HIVEP1: variants seen among roughly 807,000 people sequenced by gnomAD.
HIVEP1 encodes the protein zinc finger protein 40.
Under a neutral mutation model 180.0 loss-of-function variants are expected in HIVEP1, and 36 were observed. The observed-to-expected ratio is 0.20, with a 90% CI of 0.15 to 0.26. HIVEP1 has a LOEUF of 0.26. Ranked by LOEUF, HIVEP1 falls within the 10% of genes least tolerant of loss-of-function variation. The pLI is 1.00. For synonymous variants in HIVEP1, 1,239 were observed against 1,239.0 expected (o/e 1.00, Z 0.00); for missense variants, 3,143 against 3,268.7 (o/e 0.96, Z 0.94).
rs866385328 is a variant in HIVEP1, at chr6:12,163,769, C to T, written c.7465C>T (p.Pro2489Ser). The change falls in exon 9 of 9, where the codon CCC becomes TCC. Residue 2489 changes from proline (P) to serine (S), a missense_variant. Pro to Ser is a moderately conservative substitution (Grantham distance 74). Coordinates refer to ENST00000379388, the MANE Select transcript of HIVEP1 (RefSeq NM_002114.4). ...NLSTPGLQSL[P>S]SLSMETVNIV... ...AAGTACCCCAGGCTTGCAGTCACTC[C>T]CCTCGTTAAGCATGGAAACCGTCAA... The T allele has an allele frequency of 6.2e-7, 1 of 1,614,142 alleles. No individual in the cohort carries two copies. The highest frequency in any genetic ancestry group is 8.5e-7 in the Non-Finnish European group (1 of 1,180,044).
At chr6:12,174,807 T>C in the HIVEP1 span, among the ~76,000 whole-genome samples, 1 of 152,206 alleles carries the variant, frequency 6.6e-6, no homozygotes, top group Admixed American at 6.5e-5. Flanking sequence ...TTGTTGTTGT[T>C]GTCCTTGTTG....
chr6:12,040,665 C>T (rs1393659477), intron 2 of HIVEP1, among the ~76,000 whole-genome samples: 1 of 152,160 alleles, frequency 6.6e-6, no homozygotes, highest in Non-Finnish European at 1.5e-5. Flanking sequence ...TCATGTTGGT[C>T]AGTGTATTAG....
chr6:12,078,099 G>T (rs534808154), intron 2 of HIVEP1, among the ~76,000 whole-genome samples: 1 of 152,314 alleles, frequency 6.6e-6, no homozygotes, highest in South Asian at 2.1e-4. Flanking sequence ...TGGGACAGTT[G>T]TGAATAGTGA....
At chr6:12,184,122 GTCAAA>G in the HIVEP1 span, among the ~76,000 whole-genome samples, 1 of 152,076 alleles carries the variant, frequency 6.6e-6, no homozygotes, top group Admixed American at 6.6e-5. Flanking sequence ...TTTGAATTCT[GTCAAA>G]TCATTTTACC....
chr6:12,060,132 A>G (rs1241686980), intron 2 of HIVEP1, among the ~76,000 whole-genome samples: 1 of 152,216 alleles, frequency 6.6e-6, no homozygotes, highest in East Asian at 1.9e-4. Flanking sequence ...TTATTAGACC[A>G]TCACATGTTT....
At chr6:12,043,527 C>T (rs1769917279) in intron 2 of HIVEP1, among the ~76,000 whole-genome samples, 1 of 151,862 alleles carries the variant, frequency 6.6e-6, no homozygotes, top group African/African-American at 2.4e-5. Flanking sequence ...CCACCACAGC[C>T]AGCTAATTTT....
Position 12,063,023 on chromosome 6 carries a change from C to T in HIVEP1, c.41-26161C>T, listed in dbSNP as rs1274284524. Among the ~76,000 whole-genome samples the T allele has an allele frequency of 6.6e-6, 1 of 151,982 alleles. No homozygotes were observed. Among genetic ancestry groups the T allele is most frequent in the Non-Finnish European group, 1.5e-5 (1 of 67,996 alleles). ...ATTCTTGTGCTAAATGTGAAGACTC[C>T]CCTGTTAGTAGTAGTTATTGCTAAC... On this transcript the variant is annotated intron_variant, in intron 2 of 8. Coordinates refer to ENST00000379388, the MANE Select transcript of HIVEP1 (RefSeq NM_002114.4). The surrounding 1 kb of genome is among the most constrained non-coding windows in gnomAD (Gnocchi z 4.2).
Position 12,129,989 on chromosome 6 carries a change from T to A in HIVEP1, c.6209+97T>A. The A allele has an allele frequency of 3.9e-6, 3 of 777,414 alleles. No individual in the cohort carries two copies. In the South Asian group the frequency reaches 5.2e-5, roughly 14 times the overall value. The allele number at this position is 777,414 out of a possible 1,614,324, so 48.2% of individuals were successfully genotyped here. A position where few individuals can be genotyped will look rare whatever the true frequency, so the allele number is the denominator to read the frequency against. On this transcript the variant is annotated intron_variant, in intron 5 of 8. Coordinates refer to ENST00000379388, the MANE Select transcript of HIVEP1 (RefSeq NM_002114.4). ...ATGAAGACTTAGTGCCAATTTAGTA[T>A]CGATGTTGCAAGGTTTCTCAGCATA...
chr6:12,195,365 A>C, the HIVEP1 span, among the ~76,000 whole-genome samples: 1 of 152,260 alleles, frequency 6.6e-6, no homozygotes, highest in Admixed American at 6.5e-5. Context: ...GCCAGATTAA[A>C]ACAGGGAAAT....
downstream of HIVEP1, among the ~76,000 whole-genome samples, chr6:12,167,556 A>ACATGCATGTTATATATACATGT (rs1562023350): frequency 2.3e-5 from 2 of 87,126 alleles, no homozygotes; most frequent in African/African-American, 9.6e-5. Flanking sequence ...TAATATATGT[A>ACATGCATGTTATATATACATGT]TATATTACAT....
the HIVEP1 span, among the ~76,000 whole-genome samples, chr6:12,174,959 C>T: frequency 1.3e-5 from 2 of 152,088 alleles, no homozygotes; most frequent in African/African-American, 4.8e-5. Context: ...GAGTTAGGGG[C>T]CATTTAGATC....
chr6:12,013,568 T>G (rs1013794478), intron 1 of HIVEP1, among the ~76,000 whole-genome samples: 3 of 152,204 alleles, frequency 2.0e-5, no homozygotes, highest in Non-Finnish European at 4.4e-5. Context: ...TCCCATGGGA[T>G]CACATGATTG....
At chr6:12,075,684 A>G (rs1772306043) in intron 2 of HIVEP1, among the ~76,000 whole-genome samples, 1 of 151,892 alleles carries the variant, frequency 6.6e-6, no homozygotes, top group Non-Finnish European at 1.5e-5. Flanking sequence ...GTTCAGCTTC[A>G]GTAACTAACA....
chr6:12,022,042 C>T (rs903314480), intron 2 of HIVEP1, among the ~76,000 whole-genome samples: 6 of 152,132 alleles, frequency 3.9e-5, no homozygotes, highest in African/African-American at 1.2e-4. Flanking sequence ...TTTTGAACCT[C>T]GAGTAGGAAA....
At chr6:12,108,212 G>A (rs1422920766) in intron 3 of HIVEP1, among the ~76,000 whole-genome samples, 1 of 152,192 alleles carries the variant, frequency 6.6e-6, no homozygotes, top group Non-Finnish European at 1.5e-5. Flanking sequence ...GCTGATTGGT[G>A]TGTTTACAAA....
At chr6:12,019,670 G>A (rs915479862) in intron 2 of HIVEP1, among the ~76,000 whole-genome samples, 2 of 152,108 alleles carry the variant, frequency 1.3e-5, no homozygotes, top group Admixed American at 6.5e-5. Context: ...AATCAAGTCC[G>A]TATTAAAAGG....
intron 2 of HIVEP1, among the ~76,000 whole-genome samples, chr6:12,065,952 A>G (rs761260345): frequency 7.9e-5 from 12 of 152,286 alleles, no homozygotes; most frequent in Non-Finnish European, 1.3e-4. Context: ...ATCCCCCAGT[A>G]GGGCCTGAAG....
chr6:12,065,669 T>TTGTGTG (rs68050049), intron 2 of HIVEP1, among the ~76,000 whole-genome samples: 2 of 143,214 alleles, frequency 1.4e-5, no homozygotes, highest in Non-Finnish European at 3.1e-5. Flanking sequence ...CAGGTAGGTT[T>TTGTGTG]TGTGTGTGTG....
At chr6:12,069,164 G>GTAGCCTATATGGTA (rs1270771782) in intron 2 of HIVEP1, among the ~76,000 whole-genome samples, 1 of 152,190 alleles carries the variant, frequency 6.6e-6, no homozygotes, top group African/African-American at 2.4e-5. Flanking sequence ...AACTACACAC[G>GTAGCCTATATGGTA]TAGCCTATAT....
Sources: gnomAD v4.1 joint callset for allele counts (sites outside exome capture counted in the v4.1 genomes callset) on GRCh38, gnomAD v4.1.1 for gene constraint, Gnocchi (gnomAD v3.1) non-coding constraint, MANE v1.5 for transcripts, NCBI Gene and HGNC (gene_info 2026-07-23, HGNC 2026-07-21) for gene names.